The following BMP2K variants were observed in gnomAD, a reference collection of about 807,000 sequenced individuals.
BMP2K encodes BMP-2-inducible protein kinase.
Under a neutral mutation model 116.0 loss-of-function variants are expected in BMP2K, and 74 were observed. The ratio of observed to expected loss-of-function variants is 0.64; its 90% CI spans 0.53 to 0.77. BMP2K has a LOEUF of 0.77. BMP2K is among the 30% of genes least tolerant of loss of function. The pLI, the probability that BMP2K is intolerant of heterozygous loss-of-function variation, is 0.00. For synonymous variants in BMP2K, 486 were observed against 502.5 expected, an observed-to-expected ratio of 0.97 and a Z score of 0.44; for missense variants, 1,365 against 1,403.6, an observed-to-expected ratio of 0.97 and a Z score of 0.44.
In BMP2K at chr4:78,776,734, G is replaced by A. The variant is rs767584765; in HGVS notation, c.178+13G>A. On this transcript the variant is annotated intron_variant, in intron 1 of 15. Coordinates refer to ENST00000502613, the MANE Select transcript of BMP2K (RefSeq NM_198892.2). ...TCGCTGGCCGAAGGTACGGGCGCCC[G>A]GGGAGGCTCGGACAGGCAGGTGAGG... 8 of 1,262,178 alleles carry A rather than the reference G, an allele frequency of 6.3e-6. No homozygotes were observed. Among genetic ancestry groups the A allele is most frequent in the South Asian group, 3.8e-5 (1 of 26,136 alleles). 78.2% of individuals were successfully genotyped at this position (1,262,178 alleles called of 1,614,324 possible).
chr4:78,862,408 T>TCTTCCTTGAATGATGAATAGTCAATCA (rs1449140388), intron 9 of BMP2K, among the ~76,000 whole-genome samples: 1 of 152,012 alleles, frequency 6.6e-6, no homozygotes, highest in East Asian at 1.9e-4. Context: ...GTTGCTGCAC[T>TCTTCCTTGAATGATGAATAGTCAATCA]CTTCCTTGAA....
chr4:78,790,904 G>A (rs1227239644), intron 1 of BMP2K, among the ~76,000 whole-genome samples: 1 of 152,014 alleles, frequency 6.6e-6, no homozygotes, highest in African/African-American at 2.4e-5. Flanking sequence ...TTTTAAAAAT[G>A]TAACCCATTC....
Position 78,802,576 on chromosome 4 carries a change from A to G in BMP2K, c.179-23461A>G, listed in dbSNP as rs367840707. On this transcript the variant is annotated intron_variant, in intron 1 of 15. Coordinates refer to ENST00000502613, the MANE Select transcript of BMP2K (RefSeq NM_198892.2). ...ATATGTATTAAGACCTGGAATGTTT[A>G]TCTTTTAATAGTTATATCTTTAAGT... Among the ~76,000 whole-genome samples the G allele has an allele frequency of 6.6e-5, 10 of 152,324 alleles. No individual in the cohort carries two copies. In the East Asian group the frequency reaches 1.2e-3, roughly 18 times the overall value.
rs1731573155 is a variant in BMP2K, at chr4:78,857,773, T to C, written c.884-1811T>C. ...TAGAAAGACTCAACGGAGAATTTGC[T>C]CTCTAGCTTTCAGTATCACGAATAG... On this transcript the variant is annotated intron_variant, in intron 7 of 15. Coordinates refer to ENST00000502613, the MANE Select transcript of BMP2K (RefSeq NM_198892.2). Among the ~76,000 whole-genome samples, 5 of 152,222 alleles carry C rather than the reference T, an allele frequency of 3.3e-5. No homozygotes were observed. In the South Asian group the frequency reaches 1.0e-3, roughly 31 times the overall value.
intron 1 of BMP2K, among the ~76,000 whole-genome samples, chr4:78,802,074 G>T (rs1376775914): frequency 6.6e-6 from 1 of 152,172 alleles, no homozygotes; most frequent in African/African-American, 2.4e-5. Context: ...CTTCATTCTA[G>T]AAAGAGTTTT....
Position 78,796,363 on chromosome 4 carries a change from A to G in BMP2K, c.178+19642A>G, listed in dbSNP as rs917249570. 3.1e-5 allele frequency among the ~76,000 whole-genome samples: 4 copies of G among 128,788 alleles called. No homozygotes were observed. In the East Asian group the frequency reaches 9.7e-4, roughly 31 times the overall value. The allele number at this position is 128,788 out of a possible 152,430, so 84.5% of individuals were successfully genotyped here. ...AGAACACATGGACACAGGAAGGGGAACATCACACTCTGGGGACTGTTGGGG... is the reference window on the plus strand; with the variant it reads ...AGAACACATGGACACAGGAAGGGGAGCATCACACTCTGGGGACTGTTGGGG... On this transcript the variant is annotated intron_variant, in intron 1 of 15. Coordinates refer to ENST00000502613, the MANE Select transcript of BMP2K (RefSeq NM_198892.2).
chr4:78,887,550 A>C (rs1459278005), intron 15 of BMP2K, among the ~76,000 whole-genome samples: 1 of 152,194 alleles, frequency 6.6e-6, no homozygotes, highest in Non-Finnish European at 1.5e-5. Flanking sequence ...ATACTGTTGA[A>C]AAAAATATTT....
intron 1 of BMP2K, among the ~76,000 whole-genome samples, chr4:78,784,358 TC>T (rs201070686): frequency 6.6e-6 from 1 of 152,214 alleles, no homozygotes; most frequent in African/African-American, 2.4e-5. Context: ...GACTGTTTAT[TC>T]CTTTGTTTTA....
At chr4:78,837,521 CT>C (rs1730545205) in intron 3 of BMP2K, among the ~76,000 whole-genome samples, 1 of 152,124 alleles carries the variant, frequency 6.6e-6, no homozygotes, top group Admixed American at 6.5e-5. Flanking sequence ...TCTCAGTGTT[CT>C]TTGCTAAAGT....
At position 78,882,467 on chromosome 4, in the gene BMP2K, C is replaced by CT. The variant is rs543376688; in HGVS notation, c.1951+3582dup. 9.9e-5 allele frequency among the ~76,000 whole-genome samples: 15 copies of CT among 151,612 alleles called. 1 individual carries two copies. In the East Asian group the frequency reaches 2.7e-3, roughly 27 times the overall value. On this transcript the variant is annotated intron_variant, in intron 14 of 15. Transcript: ENST00000502613. Reference sequence around the variant, plus strand: ...TTTAAAATTTAAGTTTGTATTTTTACTTTTTTGTACCAGAACATCCAGAGT... The same window carrying CT: ...TTTAAAATTTAAGTTTGTATTTTTACTTTTTTTGTACCAGAACATCCAGAGT...
chr4:78,906,253 T>C (rs1041876688), intron 15 of BMP2K: 5 of 152,106 alleles, frequency 3.3e-5, no homozygotes, highest in African/African-American at 1.2e-4. Flanking sequence ...ATAACAGCAG[T>C]AAAAGTGTAG....
chr4:78,812,597 T>C (rs1729143281), intron 1 of BMP2K, among the ~76,000 whole-genome samples: 2 of 152,192 alleles, frequency 1.3e-5, no homozygotes, highest in East Asian at 1.9e-4. Context: ...GGAAGACTTA[T>C]TACCCATTAA....
At chr4:78,879,165 A>G (rs1194113962) in intron 14 of BMP2K, 2 of 1,122,108 alleles carry the variant, frequency 1.8e-6, no homozygotes, top group Non-Finnish European at 2.2e-6. Context: ...TTAAATTCAG[A>G]ATATCTCTAA....
intron 2 of BMP2K, among the ~76,000 whole-genome samples, chr4:78,833,326 C>G (rs1002585581): frequency 1.3e-5 from 2 of 151,980 alleles, no homozygotes; most frequent in Admixed American, 1.3e-4. Context: ...GGAGCTATTC[C>G]TTTTGCGTGA....
intron 1 of BMP2K, 150 bp from the exon 2 acceptor site, chr4:78,825,887 G>C (rs1242085564): frequency 3.4e-6 from 2 of 594,034 alleles, no homozygotes; most frequent in Non-Finnish European, 5.9e-6. Flanking sequence ...CCAGTGTTTT[G>C]GCATTTAATC....
intron 7 of BMP2K, among the ~76,000 whole-genome samples, chr4:78,852,111 G>A (rs1201745997): frequency 6.6e-6 from 1 of 152,056 alleles, no homozygotes; most frequent in Non-Finnish European, 1.5e-5. Flanking sequence ...TTTGCTTACA[G>A]TAGTAGGATC....
intron 1 of BMP2K, among the ~76,000 whole-genome samples, chr4:78,821,394 A>G (rs1355909430): frequency 6.6e-6 from 1 of 152,056 alleles, no homozygotes; most frequent in Non-Finnish European, 1.5e-5. Flanking sequence ...CACTGTTTCC[A>G]ATTTCCATTT....
At chr4:78,882,565 A>G (rs966107571) in intron 14 of BMP2K, among the ~76,000 whole-genome samples, 16 of 152,020 alleles carry the variant, frequency 1.1e-4, no homozygotes, top group East Asian at 3.9e-4. Context: ...TAAAATTGCC[A>G]TAATATTTAA....
chr4:78,786,720 CTT>C (rs1375337648), intron 1 of BMP2K, among the ~76,000 whole-genome samples: 2 of 152,014 alleles, frequency 1.3e-5, no homozygotes, highest in Non-Finnish European at 2.9e-5. Flanking sequence ...TTTTTGTAAT[CTT>C]TATTTTTTCC....
Sources: gnomAD v4.1 joint callset for allele counts (sites outside exome capture counted in the v4.1 genomes callset) on GRCh38, gnomAD v4.1.1 for gene constraint, MANE v1.5 for transcripts, NCBI Gene and HGNC (gene_info 2026-07-23, HGNC 2026-07-21) for gene names.